SIPA1L2: variants seen among roughly 807,000 people sequenced by gnomAD.
SIPA1L2 encodes signal induced proliferation associated 1 like 2.
Under a neutral mutation model 163.9 loss-of-function variants are expected in SIPA1L2, and 56 were observed. The ratio of observed to expected loss-of-function variants is 0.34; its 90% CI spans 0.28 to 0.43. SIPA1L2 has a LOEUF of 0.43. SIPA1L2 is among the 20% of genes least tolerant of loss of function. SIPA1L2 has a pLI of 1.00. For missense variants in SIPA1L2, 1,974 were observed against 2,193.5 expected, an observed-to-expected ratio of 0.90 and a Z score of 2.00; for synonymous variants, 877 against 865.7, an observed-to-expected ratio of 1.01 and a Z score of -0.23.
At chr1:232,572,668 TATATATATACACACACATATACATAC>T (rs1438047838) in intron 2 of SIPA1L2, among the ~76,000 whole-genome samples, 2 of 114,732 alleles carry the variant, frequency 1.7e-5, no homozygotes, top group African/African-American at 6.6e-5. Flanking sequence ...AATACATATA[TATATATATACACACACATATACATAC>T]ATATATATAT....
At chr1:232,399,298 G>A (rs1483373770) in intron 22 of SIPA1L2, 25 bp from the exon 23 acceptor site, 1 of 1,609,586 alleles carries the variant, frequency 6.2e-7, no homozygotes, top group African/African-American at 1.3e-5. Flanking sequence ...AATAAACTGA[G>A]TCATGGAGAC....
chr1:232,471,121 A>G (rs1572948077), intron 8 of SIPA1L2, among the ~76,000 whole-genome samples: 1 of 152,344 alleles, frequency 6.6e-6, no homozygotes, highest in East Asian at 1.9e-4. Context: ...CAATTAAGCT[A>G]TTGATTCTGG....
chr1:232,545,712 T>A (rs1017795500), intron 2 of SIPA1L2, among the ~76,000 whole-genome samples: 2 of 152,266 alleles, frequency 1.3e-5, no homozygotes, highest in African/African-American at 4.8e-5. Flanking sequence ...CACAGCCTTC[T>A]AGTTTTCTAA....
chr1:232,410,462 T>C (rs1023022244), intron 19 of SIPA1L2, among the ~76,000 whole-genome samples: 15 of 152,032 alleles, frequency 9.9e-5, no homozygotes, highest in African/African-American at 3.4e-4. Context: ...AAGACTGAGA[T>C]TGTCTTATAA....
At chr1:232,493,153 A>C (rs1387910430) in intron 4 of SIPA1L2, among the ~76,000 whole-genome samples, 1 of 152,096 alleles carries the variant, frequency 6.6e-6, no homozygotes, top group Non-Finnish European at 1.5e-5. Flanking sequence ...CTGGTCCACC[A>C]TGATAAGATG....
At chr1:232,500,401 G>A (rs1346846103) in intron 3 of SIPA1L2, among the ~76,000 whole-genome samples, 1 of 152,196 alleles carries the variant, frequency 6.6e-6, no homozygotes, top group African/African-American at 2.4e-5. Context: ...TGGAAGCCTG[G>A]AAGGGATTCA....
chr1:232,580,570 A>T (rs1465568060), intron 1 of SIPA1L2, among the ~76,000 whole-genome samples: 2 of 152,186 alleles, frequency 1.3e-5, no homozygotes, highest in African/African-American at 4.8e-5. Flanking sequence ...ATGACAGGAC[A>T]GGTTATGGGA....
At chr1:232,489,468 A>G (rs1665817913) in intron 5 of SIPA1L2, among the ~76,000 whole-genome samples, 1 of 151,786 alleles carries the variant, frequency 6.6e-6, no homozygotes, top group African/African-American at 2.4e-5. Flanking sequence ...CGCAATTTAA[A>G]AGTCACCTGC....
At chr1:232,435,330 G>A (rs530983599) in intron 15 of SIPA1L2, among the ~76,000 whole-genome samples, 1 of 152,288 alleles carries the variant, frequency 6.6e-6, no homozygotes, top group East Asian at 1.9e-4. Context: ...CCAACTGTAA[G>A]ATGTTTTAAA....
Position 232,490,891 on chromosome 1 carries a change from T to C in SIPA1L2, c.1789A>G (p.Lys597Glu), listed in dbSNP as rs376949660. The stretch of plus-strand genomic sequence containing the variant: ...ATACACACCCCTTGTTCATCAAGCT[T>C]GAGCAGCTGCTCTGAGACCTTGGGT... The part of the protein sequence containing the change: ...NSPKVSEQLL[K>E]LDEQGLSFQH... Residue 597 changes from lysine to glutamate, a missense_variant, in exon 5 of 23, where the codon AAG (lysine) becomes GAG (glutamate). Physicochemically the swap from Lys to Glu is moderately conservative, Grantham distance 56. Transcript: ENST00000674635. 6.2e-7 allele frequency: 1 copy of C among 1,613,812 alleles called. No individual in the cohort carries two copies. The highest frequency in any genetic ancestry group is 1.3e-5 in the African/African-American group (1 of 74,926).
intron 2 of SIPA1L2, among the ~76,000 whole-genome samples, chr1:232,528,331 G>A (rs1320571012): frequency 6.6e-6 from 1 of 152,028 alleles, no homozygotes; most frequent in Non-Finnish European, 1.5e-5. Flanking sequence ...TTTGCCTGCA[G>A]TCAAATGACT....
chr1:232,495,725 C>T (rs1666150906), intron 3 of SIPA1L2, among the ~76,000 whole-genome samples: 1 of 152,060 alleles, frequency 6.6e-6, no homozygotes, highest in African/African-American at 2.4e-5. Flanking sequence ...CAATGGTGGT[C>T]CCATGAGATT....
intron 19 of SIPA1L2, among the ~76,000 whole-genome samples, chr1:232,413,407 A>C (rs908462128): frequency 2.0e-5 from 3 of 152,198 alleles, no homozygotes; most frequent in Non-Finnish European, 4.4e-5. Flanking sequence ...TCCCCTGGAA[A>C]AAAAAATGCA....
chr1:232,571,481 A>T (rs1011852308), intron 2 of SIPA1L2, among the ~76,000 whole-genome samples: 1 of 152,238 alleles, frequency 6.6e-6, no homozygotes, highest in Non-Finnish European at 1.5e-5. Flanking sequence ...TTTCTGTGTT[A>T]CCTGAAATTA....
Position 232,450,445 on chromosome 1 carries a change from A to T in SIPA1L2, c.3096-4659T>A, listed in dbSNP as rs114367120. Among the ~76,000 whole-genome samples, 706 of 152,358 alleles carry T rather than the reference A, an allele frequency of 4.6e-3. 2 individuals carry two copies. The highest frequency in any genetic ancestry group is 0.016 in the African/African-American group (675 of 41,582). On this transcript the variant is annotated intron_variant, in intron 10 of 22. Coordinates refer to ENST00000674635, the MANE Select transcript of SIPA1L2 (RefSeq NM_020808.5). ...ATATGACAGTAGATAATAAAACATG[A>T]AGAAAACCTACTTTTGTCTTCCACT...
chr1:232,607,365 C>G (rs149531654), intron 1 of SIPA1L2, among the ~76,000 whole-genome samples: 214 of 152,256 alleles, frequency 1.4e-3, no homozygotes, highest in African/African-American at 4.9e-3. Context: ...ATTTAAATTA[C>G]TTGATCATAT....
At chr1:232,544,113 C>A (rs1657862142) in intron 2 of SIPA1L2, among the ~76,000 whole-genome samples, 1 of 95,004 alleles carries the variant, frequency 1.1e-5, no homozygotes, top group Non-Finnish European at 2.1e-5. Flanking sequence ...TATGTACCCC[C>A]CAACAGAAAC....
chr1:232,542,166 C>T (rs769715193), intron 2 of SIPA1L2, among the ~76,000 whole-genome samples: 72 of 152,150 alleles, frequency 4.7e-4, no homozygotes, highest in Non-Finnish European at 4.6e-4. Context: ...CTGGGAAAGT[C>T]GCTTCGCGAT....
chr1:232,442,552 G>GAA (rs59025710), intron 12 of SIPA1L2, among the ~76,000 whole-genome samples: 4 of 74,728 alleles, frequency 5.4e-5, no homozygotes, highest in Admixed American at 1.2e-4. Flanking sequence ...CATCTCAAAA[G>GAA]AAAAAAAAAA....
Sources: gnomAD v4.1 joint callset for allele counts (sites outside exome capture counted in the v4.1 genomes callset) on GRCh38, gnomAD v4.1.1 for gene constraint, MANE v1.5 for transcripts, NCBI Gene and HGNC (gene_info 2026-07-23, HGNC 2026-07-21) for gene names.